Variants in HTRA1 observed in about 807,000 individuals in gnomAD.
HTRA1 encodes the protein HtrA serine peptidase 1, also known as serine protease HTRA1.
In HTRA1, 26 loss-of-function variants were observed where a neutral mutation model predicts 49.7. The ratio of observed to expected loss-of-function variants is 0.52; its 90% CI spans 0.38 to 0.73. HTRA1 has a LOEUF of 0.73. Among genes scored for constraint, HTRA1 ranks in the 30% least tolerant of loss-of-function variants. The pLI, the probability that HTRA1 is intolerant of heterozygous loss-of-function variation, is 0.00. For synonymous variants in HTRA1, 291 were observed against 286.9 expected (o/e 1.01, Z -0.14); for missense variants, 561 against 667.2 (o/e 0.84, Z 1.75).
rs1043630175 is a variant in HTRA1, at chr10:122,478,823, A to G, written c.473-10079A>G. Among the ~76,000 whole-genome samples, 6 of 152,360 alleles carry G rather than the reference A, an allele frequency of 3.9e-5. No homozygotes were observed. In the East Asian group the frequency reaches 1.2e-3, roughly 29 times the overall value. On this transcript the variant is annotated intron_variant, in intron 1 of 8. Coordinates refer to ENST00000368984, the MANE Select transcript of HTRA1 (RefSeq NM_002775.5). ...TGCAGGCACAGCTGGCCCCATGGGCATGGACCTGTGCAGTCACACCTTGCC... is the reference window on the plus strand; with the variant it reads ...TGCAGGCACAGCTGGCCCCATGGGCGTGGACCTGTGCAGTCACACCTTGCC...
chr10:122,468,822 T>G (rs1372853956), intron 1 of HTRA1, among the ~76,000 whole-genome samples: 1 of 152,204 alleles, frequency 6.6e-6, no homozygotes, highest in African/African-American at 2.4e-5. Flanking sequence ...CCCTGGCACC[T>G]TCTTGAATGA....
rs751805574 is a variant in HTRA1, at chr10:122,512,066, G to A, written c.1274+1G>A. On this transcript the variant is annotated splice_donor_variant, in intron 8 of 8. Transcript: ENST00000368984. LOFTEE classifies it high-confidence loss of function. The stretch of plus-strand genomic sequence containing the variant: ...TAATTCCTGATACCCCAGCAGAAGC[G>A]TGAGTTGGAGTCGTTTTCTCTTTTC... The A allele has an allele frequency of 6.9e-6, 11 of 1,587,300 alleles. No individual in the cohort carries two copies. The highest frequency in any genetic ancestry group is 4.5e-5 in the East Asian group (2 of 44,738).
chr10:122,489,363 C>A, intron 2 of HTRA1, 59 bp from the exon 3 acceptor site: 1 of 1,411,036 alleles, frequency 7.1e-7, no homozygotes, highest in Non-Finnish European at 1.0e-6. Context: ...TTAATCAATG[C>A]GTTGAAGCGT....
At chr10:122,476,523 A>T (rs1390309179) in intron 1 of HTRA1, among the ~76,000 whole-genome samples, 3 of 152,296 alleles carry the variant, frequency 2.0e-5, no homozygotes, top group African/African-American at 7.2e-5. Context: ...CCTGACAGGT[A>T]AAGTTCAGTG....
chr10:122,509,463 A>G (rs2097504608), intron 6 of HTRA1, among the ~76,000 whole-genome samples: 1 of 152,034 alleles, frequency 6.6e-6, no homozygotes, highest in Non-Finnish European at 1.5e-5. Flanking sequence ...AAGACAGAGG[A>G]CTCAGCATAG....
Position 122,514,257 on chromosome 10 carries a change from T to A in HTRA1, c.1341T>A (p.Asp447Glu). ...GACAGTCCGTGGTCTCCGCCAATGA[T>A]GTCAGCGACGTCATTAAAAGGGAAA... ...INGQSVVSANDVSDVIKREST... is the reference protein window; with the variant it reads ...INGQSVVSANEVSDVIKREST... The change falls in exon 9 of 9, where the codon GAT becomes GAA. Residue 447 changes from aspartate (D) to glutamate (E), a missense_variant. By Grantham distance (45) the Asp-to-Glu change is conservative. Coordinates refer to ENST00000368984, the MANE Select transcript of HTRA1 (RefSeq NM_002775.5). 1 of 1,613,702 alleles carries A rather than the reference T, an allele frequency of 6.2e-7. No homozygotes were observed.
At chr10:122,486,351 T>C (rs878107) in intron 1 of HTRA1, among the ~76,000 whole-genome samples, 32,948 of 152,154 alleles carry the variant, frequency 0.22, 3,781 homozygotes, top group South Asian at 0.42. Flanking sequence ...ATGATACTGT[T>C]CTGAATTTGT....
intron 1 of HTRA1, among the ~76,000 whole-genome samples, chr10:122,484,254 A>C (rs1381907912): frequency 6.6e-6 from 1 of 152,152 alleles, no homozygotes; most frequent in Admixed American, 6.5e-5. Flanking sequence ...GGCCTTCTTC[A>C]GGTTGGTTGC....
intron 1 of HTRA1, among the ~76,000 whole-genome samples, chr10:122,476,443 C>A (rs963695246): frequency 6.6e-6 from 1 of 152,222 alleles, no homozygotes; most frequent in Admixed American, 6.5e-5. Context: ...CTACTCACAC[C>A]TGCTGCAGGC....
At chr10:122,476,717 G>A (rs953587699) in intron 1 of HTRA1, among the ~76,000 whole-genome samples, 9 of 152,168 alleles carry the variant, frequency 5.9e-5, no homozygotes, top group South Asian at 2.1e-4. Flanking sequence ...GGGGCCTTCC[G>A]CTGGGACAGT....
chr10:122,504,385 A>G (rs1484039597), intron 3 of HTRA1, among the ~76,000 whole-genome samples: 1 of 152,128 alleles, frequency 6.6e-6, no homozygotes, highest in Non-Finnish European at 1.5e-5. Context: ...ATAGGGGATG[A>G]GTGAGATGTG....
At chr10:122,468,867 C>T (rs1292294814) in intron 1 of HTRA1, among the ~76,000 whole-genome samples, 4 of 152,076 alleles carry the variant, frequency 2.6e-5, no homozygotes, top group African/African-American at 9.7e-5. Flanking sequence ...GGGAATTCCT[C>T]ACAAGGAAAG....
chr10:122,501,232 G>A (rs562304413), intron 3 of HTRA1, among the ~76,000 whole-genome samples: 11 of 152,250 alleles, frequency 7.2e-5, no homozygotes, highest in East Asian at 5.8e-4. Flanking sequence ...CCGGACACGC[G>A]CCGTGGGAGT....
In HTRA1 at chr10:122,514,203, G is replaced by A; in HGVS notation, c.1287G>A (p.Lys429=). The change falls in exon 9 of 9, where the codon AAG becomes AAA. Residue 429 remains lysine, a synonymous_variant. Coordinates refer to ENST00000368984, the MANE Select transcript of HTRA1 (RefSeq NM_002775.5). ...CTTTGTGTTGCAGTGGTGGTCTCAA[G>A]GAAAACGACGTCATAATCAGCATCA... ...PDTPAEAGGL[K]ENDVIISING... 2 of 1,613,896 alleles carry A rather than the reference G, an allele frequency of 1.2e-6. No individual in the cohort carries two copies. The highest frequency in any genetic ancestry group is 1.7e-6 in the Non-Finnish European group (2 of 1,179,970).
intron 1 of HTRA1, among the ~76,000 whole-genome samples, chr10:122,484,712 A>T (rs1312616875): frequency 6.6e-6 from 1 of 152,246 alleles, no homozygotes; most frequent in Admixed American, 6.5e-5. Flanking sequence ...ATGAGAGGCT[A>T]ACACTTGGAG....
intron 1 of HTRA1, among the ~76,000 whole-genome samples, chr10:122,471,047 C>G (rs1029273664): frequency 3.3e-5 from 5 of 152,166 alleles, no homozygotes; most frequent in African/African-American, 1.2e-4. Context: ...AAACAGCCGT[C>G]TCTGCCTGCA....
In HTRA1 at chr10:122,461,602, T is replaced by C; in HGVS notation, c.-51T>C. ...CCTCCTGCACTCTCCCCGGCGCCGC[T>C]CTCCGGCCCTCGCCCTGTCCGCCGC... is the stretch of plus-strand genomic sequence containing the variant. On this transcript the variant is annotated 5_prime_UTR_variant, in exon 1 of 9. Transcript: ENST00000368984. 1.7e-6 allele frequency: 2 copies of C among 1,178,658 alleles called. No homozygotes were observed. The highest frequency in any genetic ancestry group is 1.1e-6 in the Non-Finnish European group (1 of 903,788). The allele number at this position is 1,178,658 out of a possible 1,614,324, so 73.0% of individuals were successfully genotyped here.
At chr10:122,512,349 C>A (rs1480681196) in intron 8 of HTRA1, among the ~76,000 whole-genome samples, 1 of 152,146 alleles carries the variant, frequency 6.6e-6, no homozygotes, top group Non-Finnish European at 1.5e-5. Context: ...TCTGAGATGG[C>A]CCGGCTGGCC....
Position 122,514,235 on chromosome 10 carries a change from A to G in HTRA1, c.1319A>G (p.Gln440Arg), listed in dbSNP as rs1372615550. 1 of 1,613,984 alleles carries G rather than the reference A, an allele frequency of 6.2e-7. No individual in the cohort carries two copies. Among genetic ancestry groups the G allele is most frequent in the Non-Finnish European group, 8.5e-7 (1 of 1,180,010 alleles). The part of the protein sequence containing the change: ...ENDVIISING[Q>R]SVVSANDVSD... ...GACGTCATAATCAGCATCAATGGAC[A>G]GTCCGTGGTCTCCGCCAATGATGTC... Residue 440 changes from glutamine (Q) to arginine (R), a missense_variant, in exon 9 of 9, where the codon CAG (glutamine) becomes CGG (arginine). Coordinates refer to ENST00000368984, the MANE Select transcript of HTRA1 (RefSeq NM_002775.5).
Sources: allele counts gnomAD v4.1 joint callset (sites outside exome capture counted in the v4.1 genomes callset), GRCh38; gene constraint gnomAD v4.1.1; transcripts MANE v1.5; gene names NCBI Gene and HGNC (gene_info 2026-07-23, HGNC 2026-07-21).